The following SMIM43 variants were observed in gnomAD, a reference collection of about 807,000 sequenced individuals.
SMIM43 encodes small integral membrane protein 43, also known as Nodal Enhanced MEsendoderm Peptide.
In SMIM43 at chr4:121,760,194, T is replaced by C; in HGVS notation, c.*780A>G. 2 of 1,503,046 alleles carry C rather than the reference T, an allele frequency of 1.3e-6. No homozygotes were observed. The highest frequency in any genetic ancestry group is 1.8e-6 in the Non-Finnish European group (2 of 1,124,942). The allele number at this position is 1,503,046 out of a possible 1,614,324, so 93.1% of individuals were successfully genotyped here. ...ATTCTGTAGCCAGGGCATAAAATGT[T>C]AGTTGTCCTCCCAAGATCCACCATC... On this transcript the variant is annotated 3_prime_UTR_variant, in exon 6 of 6. Coordinates refer to ENST00000643802, the MANE Select transcript of SMIM43 (RefSeq NM_001384332.1).
rs1330604830 is a variant in SMIM43 at position 121,761,638 on chromosome 4, C to T, written c.*399G>A. The T allele has an allele frequency of 2.5e-6, 4 of 1,613,510 alleles. No individual in the cohort carries two copies. The highest frequency in any genetic ancestry group is 1.1e-5 in the South Asian group (1 of 90,880). Reference sequence around the variant, plus strand: ...GCATGGCACACTCTGGGTAAATTTTCTCTCTTATTCTGTAGAATCGCACCA... The same window carrying T: ...GCATGGCACACTCTGGGTAAATTTTTTCTCTTATTCTGTAGAATCGCACCA... On this transcript the variant is annotated 3_prime_UTR_variant, in exon 5 of 6. Transcript: ENST00000643802.
chr4:121,760,838 T>C (rs1371074866), intron 5 of SMIM43, among the ~76,000 whole-genome samples: 2 of 152,068 alleles, frequency 1.3e-5, no homozygotes, highest in Non-Finnish European at 2.9e-5. Flanking sequence ...GATCTGTCTA[T>C]ACAGACCAAG....
At position 121,760,311 on chromosome 4, in the gene SMIM43, T is replaced by C. The variant is rs752331502; in HGVS notation, c.*663A>G. On this transcript the variant is annotated 3_prime_UTR_variant, in exon 6 of 6. Coordinates refer to ENST00000643802, the MANE Select transcript of SMIM43 (RefSeq NM_001384332.1). Reference sequence around the variant, plus strand: ...TACATTTCTCAGACAATCTTGCAGATAGCAGTAGCCAATGACACAGTTCTG... The same window carrying C: ...TACATTTCTCAGACAATCTTGCAGACAGCAGTAGCCAATGACACAGTTCTG... The C allele has an allele frequency of 6.2e-7, 1 of 1,609,522 alleles. No homozygotes were observed. The highest frequency in any genetic ancestry group is 1.7e-5 in the Admixed American group (1 of 58,502).
chr4:121,762,780 A>G lies in SMIM43; in HGVS notation c.*225T>C, dbSNP rs1358038670. 6.6e-6 allele frequency: 1 copy of G among 152,232 alleles called. No individual in the cohort carries two copies. 9.4% of individuals were successfully genotyped at this position (152,232 alleles called of 1,614,324 possible). The stretch of plus-strand genomic sequence containing the variant: ...GAAGAATGATGGGCAGGTTAAATTC[A>G]TGGATACCAGTGGTGCTGCTAGGAA... On this transcript the variant is annotated 3_prime_UTR_variant, in exon 3 of 6. Coordinates refer to ENST00000643802, the MANE Select transcript of SMIM43 (RefSeq NM_001384332.1).
intron 5 of SMIM43, among the ~76,000 whole-genome samples, chr4:121,760,996 C>G (rs1726031690): frequency 6.6e-6 from 1 of 152,044 alleles, no homozygotes. Context: ...GATAATCCAC[C>G]TTCCGGTATG....
At chr4:121,761,471 AC>A in intron 5 of SMIM43, 66 bp downstream of exon 5, 1 of 1,473,744 alleles carries the variant, frequency 6.8e-7, no homozygotes, top group Non-Finnish European at 9.1e-7. Flanking sequence ...TGATTTTGAA[AC>A]TATAGACAAA....
chr4:121,760,520 C>T, intron 5 of SMIM43, 46 bp from the exon 6 acceptor site: 2 of 1,482,704 alleles, frequency 1.3e-6, no homozygotes, highest in Non-Finnish European at 1.8e-6. Flanking sequence ...CTTAATTAAG[C>T]CTGACACCCG....
At position 121,758,986 on chromosome 4, in the gene SMIM43, C is replaced by T. The variant is rs1262278904; in HGVS notation, c.*1988G>A. The T allele has an allele frequency of 1.3e-5, 2 of 152,078 alleles. No homozygotes were observed. The highest frequency in any genetic ancestry group is 2.4e-5 in the African/African-American group (1 of 41,420). The allele number at this position is 152,078 out of a possible 1,614,324, so 9.4% of individuals were successfully genotyped here. A position where few individuals can be genotyped will look rare whatever the true frequency, so the allele number is the denominator to read the frequency against. ...ATAGCCTTTTAAAAAATATAAGCCA[C>T]CTAATATTTTGAAAAACATACACAG... On this transcript the variant is annotated 3_prime_UTR_variant, in exon 6 of 6. Transcript: ENST00000643802.
chr4:121,761,751 A>C (rs1726080597), intron 4 of SMIM43, 56 bp from the exon 5 acceptor site: 30 of 1,610,612 alleles, frequency 1.9e-5, no homozygotes, highest in Admixed American at 8.4e-5. Context: ...TAGATTTTGC[A>C]GGTGTGAGTG....
chr4:121,759,283 C>A lies in SMIM43; in HGVS notation c.*1691G>T, dbSNP rs947009627. On this transcript the variant is annotated 3_prime_UTR_variant, in exon 6 of 6. Transcript: ENST00000643802. ...ACATCTTGAATTTAATTCCAAATACCATTCTTTCTTTTCCTCTGGGAGACA... is the reference window on the plus strand; with the variant it reads ...ACATCTTGAATTTAATTCCAAATACAATTCTTTCTTTTCCTCTGGGAGACA... The A allele has an allele frequency of 6.6e-6, 1 of 152,110 alleles. No homozygotes were observed. Among genetic ancestry groups the A allele is most frequent in the Admixed American group, 6.5e-5 (1 of 15,272 alleles). 9.4% of individuals were successfully genotyped at this position (152,110 alleles called of 1,614,324 possible).
chr4:121,760,412 C>G lies in SMIM43; in HGVS notation c.*562G>C. 3.2e-6 allele frequency: 5 copies of G among 1,572,402 alleles called. No individual in the cohort carries two copies. The highest frequency in any genetic ancestry group is 4.3e-6 in the Non-Finnish European group (5 of 1,157,642). ...AAGGAAGTGGATTTGAACTGGCATG[C>G]CCCGTTTTCTCTGTGGGCTTCCTCC... On this transcript the variant is annotated 3_prime_UTR_variant, in exon 6 of 6. Transcript: ENST00000643802.
upstream of SMIM43, chr4:121,765,220 C>G (rs1028166883): frequency 1.0e-5 from 4 of 383,142 alleles, no homozygotes; most frequent in Admixed American, 9.0e-5. Flanking sequence ...GAGGGCGTCC[C>G]GCTATGGGCG....
At chr4:121,762,530 G>C (rs917597947) in intron 3 of SMIM43, 197 bp downstream of exon 3, 1 of 152,222 alleles carries the variant, frequency 6.6e-6, no homozygotes, top group Non-Finnish European at 1.5e-5. Flanking sequence ...GTTCCAAGCA[G>C]AGGTTGAGTA....
intron 5 of SMIM43, 101 bp from the exon 6 acceptor site, chr4:121,760,575 T>C: frequency 7.1e-7 from 1 of 1,406,532 alleles, no homozygotes; most frequent in Non-Finnish European, 9.3e-7. Flanking sequence ...TCTAACCTCC[T>C]TGTTCTGTGA....
chr4:121,760,488 C>G lies in SMIM43; in HGVS notation c.*500-14G>C. 2 of 1,523,034 alleles carry G rather than the reference C, an allele frequency of 1.3e-6. No individual in the cohort carries two copies. The highest frequency in any genetic ancestry group is 1.8e-6 in the Non-Finnish European group (2 of 1,136,114). 94.3% of individuals were successfully genotyped at this position (1,523,034 alleles called of 1,614,324 possible). On this transcript the variant is annotated splice_polypyrimidine_tract_variant and intron_variant, in intron 5 of 5. Coordinates refer to ENST00000643802, the MANE Select transcript of SMIM43 (RefSeq NM_001384332.1). ...CCATCTTGGAACCTGGAGGAAAAAGCCAAGGGAACCTCAGCAGCCACCTTA... is the reference window on the plus strand; with the variant it reads ...CCATCTTGGAACCTGGAGGAAAAAGGCAAGGGAACCTCAGCAGCCACCTTA...
Position 121,761,608 on chromosome 4 carries a change from C to G in SMIM43, c.*429G>C. The stretch of plus-strand genomic sequence containing the variant: ...TGGCACCTTGCCATTCCCAGAAAAG[C>G]CAGTGCATGGCACACTCTGGGTAAA... On this transcript the variant is annotated 3_prime_UTR_variant, in exon 5 of 6. Coordinates refer to ENST00000643802, the MANE Select transcript of SMIM43 (RefSeq NM_001384332.1). The G allele has an allele frequency of 6.2e-7, 1 of 1,613,244 alleles. No individual in the cohort carries two copies. Among genetic ancestry groups the G allele is most frequent in the Non-Finnish European group, 8.5e-7 (1 of 1,179,666 alleles).
At chr4:121,762,445 G>A (rs1474798603) in intron 3 of SMIM43, among the ~76,000 whole-genome samples, 2 of 152,308 alleles carry the variant, frequency 1.3e-5, no homozygotes, top group South Asian at 2.1e-4. Context: ...CAAAGCAAGT[G>A]CAGGGCAGGA....
chr4:121,763,470 G>C (rs558163505), intron 2 of SMIM43, among the ~76,000 whole-genome samples: 1 of 152,174 alleles, frequency 6.6e-6, no homozygotes, highest in Admixed American at 6.5e-5. Context: ...TTCACCCCAT[G>C]AACCCCCGCA....
intron 5 of SMIM43, among the ~76,000 whole-genome samples, chr4:121,761,057 C>A (rs1014355574): frequency 6.6e-5 from 10 of 151,626 alleles, no homozygotes; most frequent in Admixed American, 5.3e-4. Context: ...TAACCCATAA[C>A]ATTATTTATT....
Sources: allele counts gnomAD v4.1 joint callset (sites outside exome capture counted in the v4.1 genomes callset), GRCh38; gene constraint gnomAD v4.1.1; transcripts MANE v1.5; gene names NCBI Gene and HGNC (gene_info 2026-07-23, HGNC 2026-07-21).